Variants in ANKRD28 observed in about 807,000 individuals in gnomAD.
The protein encoded by ANKRD28 is serine/threonine-protein phosphatase 6 regulatory ankyrin repeat subunit A.
ANKRD28 carries 44 observed loss-of-function variants against 126.5 expected under a neutral mutation model. The observed-to-expected ratio is 0.35, with a 90% CI of 0.27 to 0.45. The LOEUF (loss-of-function observed/expected upper bound fraction) is 0.45. Ranked by LOEUF, ANKRD28 falls within the 20% of genes least tolerant of loss-of-function variation. The probability of loss-of-function intolerance (pLI) is 1.00; values close to 1 mark genes in which losing one functional copy is unlikely to be tolerated. For missense variants in ANKRD28, 1,110 were observed against 1,316.6 expected (o/e 0.84, Z 2.43); for synonymous variants, 442 against 468.5 (o/e 0.94, Z 0.73).
chr3:15,768,758 A>G (rs2125579693), intron 2 of ANKRD28, among the ~76,000 whole-genome samples: 1 of 152,332 alleles, frequency 6.6e-6, no homozygotes, highest in South Asian at 2.1e-4. Context: ...TTGTCCTTAA[A>G]ATAGTAACAG....
At chr3:15,835,607 A>G (rs2061307952) in intron 1 of ANKRD28, among the ~76,000 whole-genome samples, 1 of 152,202 alleles carries the variant, frequency 6.6e-6, no homozygotes, top group Admixed American at 6.5e-5. Flanking sequence ...AGCTATAAGA[A>G]TAAGGTTCAA....
intron 1 of ANKRD28, among the ~76,000 whole-genome samples, chr3:15,828,072 G>A (rs2061106996): frequency 6.6e-6 from 1 of 152,098 alleles, no homozygotes; most frequent in Non-Finnish European, 1.5e-5. Flanking sequence ...TAGGTACTAT[G>A]GAAGTGATCC....
In ANKRD28 at chr3:15,846,157, A is replaced by AT. The variant is rs2061525887; in HGVS notation, c.27+13219_27+13220insA. ...ATCCAAGCCCAAAGTCTCATCTGAG[A>AT]CAAGGCAAGTCTCTTCCATCTACGA... On this transcript the variant is annotated intron_variant, in intron 1 of 27. Coordinates refer to the ANKRD28 transcript ENST00000399451. This position sits in a 1 kb window ranked among gnomAD's most constrained non-coding sequence, Gnocchi z 5.4. 6.2e-5 allele frequency among the ~76,000 whole-genome samples: 5 copies of AT among 80,482 alleles called. No individual in the cohort carries two copies. The highest frequency in any genetic ancestry group is 1.4e-4 in the Non-Finnish European group (5 of 35,692). 52.8% of individuals were successfully genotyped at this position (80,482 alleles called of 152,430 possible). A position where few individuals can be genotyped will look rare whatever the true frequency, so the allele number is the denominator to read the frequency against.
In ANKRD28 at chr3:15,833,413, T is replaced by C. The variant is rs1474221811; in HGVS notation, c.27+25964A>G. 6.6e-6 allele frequency among the ~76,000 whole-genome samples: 1 copy of C among 151,892 alleles called. No homozygotes were observed. The highest frequency in any genetic ancestry group is 1.5e-5 in the Non-Finnish European group (1 of 67,972). ...GGACTGGCTATCCTTGCTCCTCAGC[T>C]GGCAGATGCCCTACTGTGGGACCTT... On this transcript the variant is annotated intron_variant, in intron 1 of 27. Coordinates refer to the ANKRD28 transcript ENST00000399451. The surrounding 1 kb of genome is among the most constrained non-coding windows in gnomAD (Gnocchi z 4.4).
chr3:15,680,579 T>C (rs908688784), intron 21 of ANKRD28, among the ~76,000 whole-genome samples: 5 of 152,190 alleles, frequency 3.3e-5, no homozygotes, highest in African/African-American at 1.2e-4. Context: ...AATCTAATTA[T>C]GGATTTTAAA....
rs532683205 is a variant in ANKRD28 at position 15,838,623 on chromosome 3, C to T, written c.27+20754G>A. ...CTTAGTCGGGCATGGTGGCACATGCCTGTAATCCCAGCTACTTGGGAGGCT... is the reference window on the plus strand; with the variant it reads ...CTTAGTCGGGCATGGTGGCACATGCTTGTAATCCCAGCTACTTGGGAGGCT... On this transcript the variant is annotated intron_variant, in intron 1 of 27. Transcript: ENST00000399451. This position sits in a 1 kb window ranked among gnomAD's most constrained non-coding sequence, Gnocchi z 4.0. Among the ~76,000 whole-genome samples, 245 of 152,108 alleles carry T rather than the reference C, an allele frequency of 1.6e-3. No homozygotes were observed. The highest frequency in any genetic ancestry group is 2.1e-3 in the Non-Finnish European group (141 of 68,014).
rs766735079 is a variant in ANKRD28 at position 15,713,603 on chromosome 3, G to C, written c.1114C>G (p.Pro372Ala). 10 of 1,609,810 alleles carry C rather than the reference G, an allele frequency of 6.2e-6. No individual in the cohort carries two copies. The highest frequency in any genetic ancestry group is 7.6e-6 in the Non-Finnish European group (9 of 1,178,550). Residue 372 changes from proline to alanine, a missense_variant, in exon 10 of 28, where the codon CCT (proline) becomes GCT (alanine). Transcript: ENST00000683139. ...IDCEDKNGNTPLHIAARYGHE... is the reference protein window; with the variant it reads ...IDCEDKNGNTALHIAARYGHE... ...CCATACCGTGCTGCTATGTGCAAAG[G>C]GGTATTTCCATTCTTATCCTCACAG...
At chr3:15,808,039 C>T (rs1024654147) in intron 1 of ANKRD28, among the ~76,000 whole-genome samples, 14 of 152,222 alleles carry the variant, frequency 9.2e-5, no homozygotes, top group Admixed American at 8.5e-4. Flanking sequence ...CCCAATTTCA[C>T]GGACAAAAAA....
intron 6 of ANKRD28, among the ~76,000 whole-genome samples, chr3:15,728,594 C>A (rs1192414778): frequency 3.3e-5 from 5 of 152,180 alleles, no homozygotes; most frequent in Non-Finnish European, 5.9e-5. Context: ...TGCAGGGAGA[C>A]TAAACATATC....
At chr3:15,785,765 G>A (rs1255237303) in intron 2 of ANKRD28, among the ~76,000 whole-genome samples, 2 of 152,044 alleles carry the variant, frequency 1.3e-5, no homozygotes, top group Non-Finnish European at 2.9e-5. Context: ...GAAGTTTATA[G>A]TAGCTTTATT....
chr3:15,818,816 T>A (rs1328240923), intron 1 of ANKRD28, among the ~76,000 whole-genome samples: 1 of 152,186 alleles, frequency 6.6e-6, no homozygotes, highest in Admixed American at 6.5e-5. Context: ...ATAATTTCAA[T>A]TTTTCCTCAT....
At chr3:15,847,241 A>G (rs1270003406) in intron 1 of ANKRD28, among the ~76,000 whole-genome samples, 1 of 152,258 alleles carries the variant, frequency 6.6e-6, no homozygotes, top group African/African-American at 2.4e-5. Flanking sequence ...TGTACTAAAT[A>G]AAGAAAAACT....
chr3:15,668,976 C>A lies in ANKRD28; in HGVS notation c.*1294G>T, dbSNP rs964996586. 2.0e-5 allele frequency: 3 copies of A among 152,570 alleles called. No individual in the cohort carries two copies. Among genetic ancestry groups the A allele is most frequent in the African/African-American group, 7.2e-5 (3 of 41,428 alleles). The allele number at this position is 152,570 out of a possible 1,614,324, so 9.5% of individuals were successfully genotyped here. ...GTGACAGTTACAGTAAAAGCAGAAC[C>A]ACACAAATCTTTATTTAAAAGCCGA... On this transcript the variant is annotated 3_prime_UTR_variant, in exon 28 of 28. Transcript: ENST00000683139.
intron 8 of ANKRD28, 29 bp downstream of exon 8, chr3:15,720,886 T>A (rs2073656587): frequency 6.3e-7 from 1 of 1,594,158 alleles, no homozygotes; most frequent in African/African-American, 1.3e-5. Flanking sequence ...ACATATGAAA[T>A]ACTTATAGAT....
chr3:15,721,252 C>G, intron 7 of ANKRD28, 125 bp from the exon 8 acceptor site: 1 of 778,750 alleles, frequency 1.3e-6, no homozygotes, highest in Non-Finnish European at 2.1e-6. Context: ...AAGATAAGTA[C>G]AGAGATAAGG....
chr3:15,798,793 A>T (rs190506088), upstream of ANKRD28, among the ~76,000 whole-genome samples: 26 of 152,154 alleles, frequency 1.7e-4, no homozygotes, highest in African/African-American at 6.3e-4. Context: ...TTCTCTGTTT[A>T]CCCAACATGG....
chr3:15,720,227 A>AC (rs1414777950), intron 8 of ANKRD28, among the ~76,000 whole-genome samples: 1 of 152,112 alleles, frequency 6.6e-6, no homozygotes, highest in African/African-American at 2.4e-5. Context: ...ACAAAAAAAA[A>AC]CCAAAAAGCA....
At chr3:15,859,110 C>T (rs1362602521) in intron 1 of ANKRD28, among the ~76,000 whole-genome samples, 2 of 152,212 alleles carry the variant, frequency 1.3e-5, no homozygotes, top group Non-Finnish European at 1.5e-5. Flanking sequence ...TCGCCCGACG[C>T]GAGGGCGGTG....
At chr3:15,826,403 A>C (rs2061068173) in intron 1 of ANKRD28, among the ~76,000 whole-genome samples, 1 of 152,214 alleles carries the variant, frequency 6.6e-6, no homozygotes. Flanking sequence ...CAGTGATAAA[A>C]AGATACATAA....
Sources: gnomAD v4.1 joint callset for allele counts (sites outside exome capture counted in the v4.1 genomes callset) on GRCh38, gnomAD v4.1.1 for gene constraint, Gnocchi (gnomAD v3.1) non-coding constraint, MANE v1.5 for transcripts, NCBI Gene and HGNC (gene_info 2026-07-23, HGNC 2026-07-21) for gene names.